TPRG1: variants seen among roughly 807,000 people sequenced by gnomAD.
The protein encoded by TPRG1 is tumor protein p63-regulated gene 1 protein.
TPRG1 carries 29 observed loss-of-function variants against 29.3 expected under a neutral mutation model. That is an observed-to-expected ratio of 0.99 (90% CI 0.74 to 1.35). The LOEUF (loss-of-function observed/expected upper bound fraction) is 1.35. Among genes scored for constraint, TPRG1 ranks in the 40% most tolerant of loss-of-function variants. TPRG1 has a pLI of 0.00. For synonymous variants in TPRG1, 130 were observed against 116.8 expected (o/e 1.11, Z -0.73); for missense variants, 327 against 335.0 (o/e 0.98, Z 0.19).
At chr3:189,128,057 C>T (rs1578449089) in intron 2 of TPRG1, among the ~76,000 whole-genome samples, 1 of 152,140 alleles carries the variant, frequency 6.6e-6, no homozygotes, top group Non-Finnish European at 1.5e-5. Flanking sequence ...AAAAAATCTG[C>T]ACAGTATTTT....
chr3:189,305,728 A>G (rs550482022), intron 4 of TPRG1, among the ~76,000 whole-genome samples: 53 of 152,334 alleles, frequency 3.5e-4, no homozygotes, highest in Middle Eastern at 3.4e-3. Context: ...TTACATATCT[A>G]TAAAATCAAA....
intron 4 of TPRG1, among the ~76,000 whole-genome samples, chr3:189,254,918 T>TG (rs1390338247): frequency 6.6e-6 from 1 of 152,196 alleles, no homozygotes; most frequent in African/African-American, 2.4e-5. Flanking sequence ...TAAGGAGTTT[T>TG]GGGGCTGAGA....
rs116022267 is a variant in TPRG1 at position 189,174,549 on chromosome 3, A to T, written c.-10+2418A>T. ...GATTCCTTTCAATCATTCTCTTTCA[A>T]CGGAAACCTAGTTCTACATAATGAC... On this transcript the variant is annotated intron_variant, in intron 1 of 5. Coordinates refer to ENST00000345063, the MANE Select transcript of TPRG1 (RefSeq NM_198485.4). Among the ~76,000 whole-genome samples, 855 of 152,238 alleles carry T rather than the reference A, an allele frequency of 5.6e-3. 9 individuals are homozygous for T. The highest frequency in any genetic ancestry group is 0.018 in the African/African-American group (750 of 41,554).
intron 4 of TPRG1, among the ~76,000 whole-genome samples, chr3:189,043,295 AC>A (rs1008853647): frequency 1.3e-5 from 2 of 152,190 alleles, no homozygotes; most frequent in African/African-American, 4.8e-5. Context: ...ATTAAAGAGT[AC>A]GGTTTAAAGG....
chr3:189,225,242 C>T (rs536411686), intron 3 of TPRG1, among the ~76,000 whole-genome samples: 1 of 152,260 alleles, frequency 6.6e-6, no homozygotes, highest in East Asian at 1.9e-4. Flanking sequence ...TCTCTTCCAA[C>T]TTCATGTTCA....
intron 4 of TPRG1, among the ~76,000 whole-genome samples, chr3:189,280,177 C>T (rs184790679): frequency 1.3e-5 from 2 of 152,104 alleles, no homozygotes; most frequent in South Asian, 4.2e-4. Flanking sequence ...GGACTAGCAC[C>T]ATAGTGGTTA....
intron 1 of TPRG1, chr3:189,191,093 T>C (rs931661576): frequency 3.3e-5 from 13 of 389,734 alleles, no homozygotes; most frequent in African/African-American, 2.6e-4. Context: ...CATGTATTCT[T>C]ACTTTCAAAT....
At chr3:189,294,205 T>C (rs1362263809) in intron 4 of TPRG1, among the ~76,000 whole-genome samples, 1 of 152,190 alleles carries the variant, frequency 6.6e-6, no homozygotes, top group Non-Finnish European at 1.5e-5. Context: ...AATTGAAGTT[T>C]AAATTTCTGG....
chr3:189,270,621 GA>G (rs1257647945), intron 4 of TPRG1, among the ~76,000 whole-genome samples: 1 of 152,156 alleles, frequency 6.6e-6, no homozygotes, highest in Non-Finnish European at 1.5e-5. Flanking sequence ...CTGGCCATGT[GA>G]AAAAAGTGGT....
intron 4 of TPRG1, among the ~76,000 whole-genome samples, chr3:189,302,840 A>T (rs1721047266): frequency 6.6e-6 from 1 of 152,208 alleles, no homozygotes; most frequent in Non-Finnish European, 1.5e-5. Flanking sequence ...CCATCACCCC[A>T]ATAACAGTAT....
chr3:189,141,357 C>T (rs1295938520), intron 3 of TPRG1, among the ~76,000 whole-genome samples: 1 of 147,522 alleles, frequency 6.8e-6, no homozygotes, highest in Non-Finnish European at 1.5e-5. Flanking sequence ...GGAAGACATT[C>T]TAGCCATTCA....
At chr3:189,268,039 A>T (rs1023147162) in intron 4 of TPRG1, among the ~76,000 whole-genome samples, 2 of 152,190 alleles carry the variant, frequency 1.3e-5, no homozygotes, top group African/African-American at 2.4e-5. Context: ...ATACTGATTA[A>T]TGGTCTTGGA....
intron 1 of TPRG1, among the ~76,000 whole-genome samples, chr3:189,110,158 T>C (rs571199346): frequency 6.6e-6 from 1 of 152,196 alleles, no homozygotes; most frequent in Non-Finnish European, 1.5e-5. Context: ...CATTGTGTAG[T>C]ATATGTTTAA....
At chr3:189,197,383 A>G (rs747421230) in intron 1 of TPRG1, among the ~76,000 whole-genome samples, 1 of 151,754 alleles carries the variant, frequency 6.6e-6, no homozygotes, top group Non-Finnish European at 1.5e-5. Context: ...GTCTTTCTAT[A>G]TTTTTCTCTC....
At chr3:189,085,463 G>T (rs558217297) in intron 4 of TPRG1, among the ~76,000 whole-genome samples, 1 of 152,028 alleles carries the variant, frequency 6.6e-6, no homozygotes, top group Non-Finnish European at 1.5e-5. Flanking sequence ...GTGTGTGTGT[G>T]TGTGTGTGTG....
chr3:189,080,542 G>A (rs1044491235), intron 4 of TPRG1, among the ~76,000 whole-genome samples: 1 of 152,098 alleles, frequency 6.6e-6, no homozygotes, highest in Admixed American at 6.5e-5. Flanking sequence ...CCCTTGTAGT[G>A]ATACAGAGAG....
intron 5 of TPRG1, among the ~76,000 whole-genome samples, chr3:189,312,081 G>GTTTGTTTCTTTC (rs1483160195): frequency 1.1e-4 from 13 of 119,956 alleles, no homozygotes; most frequent in African/African-American, 2.3e-4. Context: ...AACACTTTAT[G>GTTTGTTTCTTTC]TTTCTTTCTT....
At position 189,238,416 on chromosome 3, in the gene TPRG1, T is replaced by G. The variant is rs189834547; in HGVS notation, c.303-317T>G. Among the ~76,000 whole-genome samples, 45 of 152,286 alleles carry G rather than the reference T, an allele frequency of 3.0e-4. 1 individual carries two copies. In the East Asian group the frequency reaches 7.3e-3, roughly 25 times the overall value. ...GAAGTTTTCTAGAGAACTGGGAAAA[T>G]GTTGGGAAGTATGAGTCAGTTGACT... On this transcript the variant is annotated intron_variant, in intron 3 of 5. Coordinates refer to ENST00000345063, the MANE Select transcript of TPRG1 (RefSeq NM_198485.4).
At position 189,045,229 on chromosome 3, in the gene TPRG1, G is replaced by A. The variant is rs138547226; in HGVS notation, c.-463+21283G>A. On this transcript the variant is annotated intron_variant, in intron 4 of 10. Coordinates refer to the TPRG1 transcript ENST00000433971. ...TTTAAGAACACCAAAGGACTGTCCC[G>A]AAATGATGACAGGCTAATTGCTAAC... Among the ~76,000 whole-genome samples the A allele has an allele frequency of 4.4e-3, 675 of 152,290 alleles. 2 individuals carry two copies. The highest frequency in any genetic ancestry group is 7.9e-3 in the Non-Finnish European group (535 of 68,018).
Sources: gnomAD v4.1 joint callset for allele counts (sites outside exome capture counted in the v4.1 genomes callset) on GRCh38, gnomAD v4.1.1 for gene constraint, MANE v1.5 for transcripts, NCBI Gene and HGNC (gene_info 2026-07-23, HGNC 2026-07-21) for gene names.